The following TERB1 variants were observed in gnomAD, a reference collection of about 807,000 sequenced individuals.
TERB1 encodes telomere repeat binding bouquet formation protein 1.
A neutral mutation model predicts 92.3 loss-of-function variants in TERB1; 63 were observed. The observed-to-expected ratio is 0.68, with a 90% CI of 0.56 to 0.84. The LOEUF (loss-of-function observed/expected upper bound fraction) is 0.84. Ranked by LOEUF, TERB1 falls within the 40% of genes least tolerant of loss-of-function variation. The pLI is 0.00. For synonymous variants in TERB1, 252 were observed against 283.9 expected, an observed-to-expected ratio of 0.89 and a Z score of 1.13; for missense variants, 709 against 843.7, an observed-to-expected ratio of 0.84 and a Z score of 1.98.
At chr16:66,759,041 A>G in intron 17 of TERB1, 100 bp downstream of exon 17, 1 of 1,143,390 alleles carries the variant, frequency 8.7e-7, no homozygotes, top group Non-Finnish European at 1.2e-6. Flanking sequence ...TTTCTTTTTA[A>G]GATTATTTTA....
chr16:66,767,335 T>C lies in TERB1; in HGVS notation c.1780+80A>G, dbSNP rs1597011990. The C allele has an allele frequency of 6.4e-6, 5 of 776,134 alleles. No individual in the cohort carries two copies. The East Asian group carries it at 1.5e-4, about 23-fold the overall frequency. 48.1% of individuals were successfully genotyped at this position (776,134 alleles called of 1,614,324 possible). A position where few individuals can be genotyped will look rare whatever the true frequency, so the allele number is the denominator to read the frequency against. On this transcript the variant is annotated intron_variant, in intron 16 of 18. Coordinates refer to ENST00000433154, the MANE Select transcript of TERB1 (RefSeq NM_001136505.2). Reference sequence around the variant, plus strand: ...GCCTGGGTGACAGAGTAAGACTCTGTATCAAAAAAAAAAAAAAATTCTAGT... The same window carrying C: ...GCCTGGGTGACAGAGTAAGACTCTGCATCAAAAAAAAAAAAAAATTCTAGT...
chr16:66,800,560 G>C (rs1457723212), intron 2 of TERB1, among the ~76,000 whole-genome samples: 7 of 151,016 alleles, frequency 4.6e-5, no homozygotes, highest in African/African-American at 1.7e-4. Context: ...GGCCAAGAAA[G>C]CTTTTTGAAA....
rs57620654 is a variant in TERB1, at chr16:66,771,638, TACACACACACACACACACAC to T, written c.1272+931_1272+950del. ...ATATCTCATTAAAGCTGTTACAGAA[TACACACACACACACACACAC>T]ACACACACACACACACACACACGGG... On this transcript the variant is annotated intron_variant, in intron 13 of 18. Transcript: ENST00000433154. Among the ~76,000 whole-genome samples the T allele has an allele frequency of 3.7e-3, 523 of 143,102 alleles. 2 individuals are homozygous for T. The highest frequency in any genetic ancestry group is 0.018 in the Middle Eastern group (5 of 280). The allele number at this position is 143,102 out of a possible 152,430, so 93.9% of individuals were successfully genotyped here.
intron 16 of TERB1, among the ~76,000 whole-genome samples, chr16:66,763,426 T>C (rs1331782441): frequency 6.6e-6 from 1 of 152,220 alleles, no homozygotes; most frequent in Non-Finnish European, 1.5e-5. Context: ...TTTAAAATGT[T>C]GTTGTGTGTC....
chr16:66,778,627 A>T (rs925641310), intron 10 of TERB1, among the ~76,000 whole-genome samples: 1 of 152,166 alleles, frequency 6.6e-6, no homozygotes, highest in Non-Finnish European at 1.5e-5. Context: ...CATGTTGGCC[A>T]GGCTGGTCTT....
At chr16:66,772,430 C>G (rs1363944878) in intron 13 of TERB1, among the ~76,000 whole-genome samples, 159 bp downstream of exon 13, 1 of 151,918 alleles carries the variant, frequency 6.6e-6, no homozygotes, top group Non-Finnish European at 1.5e-5. Context: ...TGCAGTGAGC[C>G]GAGATCGTGC....
intron 16 of TERB1, among the ~76,000 whole-genome samples, chr16:66,762,449 T>A (rs995911390): frequency 6.6e-6 from 1 of 152,022 alleles, no homozygotes; most frequent in Non-Finnish European, 1.5e-5. Flanking sequence ...AGTGGTATGA[T>A]CACAGCTCAC....
intron 12 of TERB1, 123 bp downstream of exon 12, chr16:66,774,995 C>G (rs2145149168): frequency 2.9e-6 from 3 of 1,029,076 alleles, no homozygotes; most frequent in Non-Finnish European, 4.2e-6. Flanking sequence ...CTGTGCAGGG[C>G]CTAGTCTGCT....
chr16:66,792,385 G>A (rs953397168), intron 3 of TERB1, among the ~76,000 whole-genome samples: 4 of 152,112 alleles, frequency 2.6e-5, no homozygotes, highest in African/African-American at 4.8e-5. Flanking sequence ...ATGTTTGTTC[G>A]TATCACCACT....
intron 16 of TERB1, among the ~76,000 whole-genome samples, chr16:66,765,801 G>A (rs1443802263): frequency 1.3e-5 from 2 of 150,368 alleles, no homozygotes; most frequent in Non-Finnish European, 3.0e-5. Flanking sequence ...CTGCTGGGAG[G>A]AGTGGATGAA....
At chr16:66,771,316 A>C (rs935833320) in intron 13 of TERB1, among the ~76,000 whole-genome samples, 5 of 152,160 alleles carry the variant, frequency 3.3e-5, no homozygotes, top group African/African-American at 1.2e-4. Flanking sequence ...GGAAACATGT[A>C]CTCTTAAACA....
chr16:66,785,921 A>G lies in TERB1; in HGVS notation c.578-13T>C. On this transcript the variant is annotated splice_polypyrimidine_tract_variant and intron_variant, in intron 8 of 18. Transcript: ENST00000433154. The stretch of plus-strand genomic sequence containing the variant: ...ATTTGATTCTCATCTGAAAGAAGAC[A>G]AAGTCAATCATGATTTAATATGACA... The G allele has an allele frequency of 6.5e-7, 1 of 1,536,912 alleles. No individual in the cohort carries two copies. The highest frequency in any genetic ancestry group is 1.2e-5 in the South Asian group (1 of 80,534).
intron 16 of TERB1, among the ~76,000 whole-genome samples, chr16:66,765,688 G>A (rs1418544707): frequency 1.3e-5 from 2 of 151,080 alleles, no homozygotes; most frequent in Non-Finnish European, 3.0e-5. Context: ...GAACTCCTGA[G>A]CTCAGGTAAT....
intron 9 of TERB1, 127 bp from the exon 10 acceptor site, chr16:66,779,142 G>A (rs941435321): frequency 6.2e-5 from 40 of 649,056 alleles, no homozygotes; most frequent in Middle Eastern, 7.0e-4. Flanking sequence ...CAAAATTAAA[G>A]AACTAAAAAT....
intron 5 of TERB1, among the ~76,000 whole-genome samples, chr16:66,789,826 C>T (rs903153548): frequency 2.0e-5 from 3 of 151,270 alleles, no homozygotes; most frequent in African/African-American, 2.4e-5. Flanking sequence ...TCTCCCACCT[C>T]GGCCTCCCAA....
In TERB1 at chr16:66,754,979, A is replaced by G. The variant is rs1846318858; in HGVS notation, c.2181T>C (p.Ser727=). The G allele has an allele frequency of 3.9e-6, 6 of 1,546,526 alleles. No individual in the cohort carries two copies. Among genetic ancestry groups the G allele is most frequent in the Non-Finnish European group, 5.2e-6 (6 of 1,145,942 alleles). The change falls in exon 19 of 19, where the codon TCT becomes TCC. Residue 727 remains serine, a synonymous_variant. Transcript: ENST00000433154. ...AAAACTGACAGTCTTCTTTCAATCA[A>G]GAAGCTGCACACGTGGGGTGTTTGG... is the stretch of plus-strand genomic sequence containing the variant. ...KLTKHPTCAA[S]
intron 2 of TERB1, among the ~76,000 whole-genome samples, chr16:66,797,345 C>T (rs532660744): frequency 6.6e-6 from 1 of 151,472 alleles, no homozygotes; most frequent in Non-Finnish European, 1.5e-5. Flanking sequence ...AGGTGATCCT[C>T]CCACCTCAGC....
At position 66,770,274 on chromosome 16, in the gene TERB1, A is replaced by T. The variant is rs1010165677; in HGVS notation, c.1308T>A (p.Ile436=). ...EIQRENYQDN[I]SSMNISIQNT... is the part of the protein sequence containing the mutation. ...TCTGAATACTTATGTTCATAGATGA[A>T]ATATTATCCTGATAGTTTTCTCTTT... The change falls in exon 14 of 19, where the codon ATT becomes ATA. Residue 436 remains isoleucine (I), a synonymous_variant. Transcript: ENST00000433154. The T allele has an allele frequency of 6.5e-7, 1 of 1,548,852 alleles. No individual in the cohort carries two copies. Among genetic ancestry groups the T allele is most frequent in the African/African-American group, 1.4e-5 (1 of 73,044 alleles).
Position 66,778,978 on chromosome 16 carries a change from C to T in TERB1, c.738G>A (p.Leu246=). 2 of 1,528,536 alleles carry T rather than the reference C, an allele frequency of 1.3e-6. No individual in the cohort carries two copies. The allele number at this position is 1,528,536 out of a possible 1,614,324, so 94.7% of individuals were successfully genotyped here. Residue 246 remains leucine, a synonymous_variant, in exon 10 of 19, where the codon CTG becomes CTA. Transcript: ENST00000433154. ...GCATGAGAACTTGAGACAATACATCCAGTCCGCCCACAGATACGAAGTATT... is the reference window on the plus strand; with the variant it reads ...GCATGAGAACTTGAGACAATACATCTAGTCCGCCCACAGATACGAAGTATT... The part of the protein sequence containing the change: ...VQKYFVSVGG[L]DVLSQVLMQL...
Sources: allele counts gnomAD v4.1 joint callset (sites outside exome capture counted in the v4.1 genomes callset), GRCh38; gene constraint gnomAD v4.1.1; transcripts MANE v1.5; gene names NCBI Gene and HGNC (gene_info 2026-07-23, HGNC 2026-07-21).